DNAH9: variants seen among roughly 807,000 people sequenced by gnomAD.
DNAH9 encodes dynein axonemal heavy chain 9, also known as DNAH9 variant protein.
A neutral mutation model predicts 471.6 loss-of-function variants in DNAH9; 345 were observed. The ratio of observed to expected loss-of-function variants is 0.73; its 90% CI spans 0.67 to 0.80. The LOEUF (loss-of-function observed/expected upper bound fraction) is 0.80, where lower values mean the gene tolerates loss of function less well. Ranked by LOEUF, DNAH9 falls within the 30% of genes least tolerant of loss-of-function variation. DNAH9 has a pLI of 0.00. For synonymous variants in DNAH9, 2,093 were observed against 2,123.6 expected (o/e 0.99, Z 0.40); for missense variants, 5,407 against 5,609.2 (o/e 0.96, Z 1.15).
In DNAH9 at chr17:11,694,861, C is replaced by T. The variant is rs1186748624; in HGVS notation, c.4872+414C>T. 4.5e-3 allele frequency among the ~76,000 whole-genome samples: 2 copies of T among 440 alleles called. 1 individual carries two copies. Among genetic ancestry groups the T allele is most frequent in the African/African-American group, 7.1e-3 (2 of 282 alleles). 0.3% of individuals were successfully genotyped at this position (440 alleles called of 152,430 possible). Reference sequence around the variant, plus strand: ...CTTTCCTTCCTTCCTTCCTTCCTTCCTTCCTTCCTTCTTTCTTTCTTTCTT... The same window carrying T: ...CTTTCCTTCCTTCCTTCCTTCCTTCTTTCCTTCCTTCTTTCTTTCTTTCTT... On this transcript the variant is annotated intron_variant, in intron 22 of 68. Transcript: ENST00000262442.
intron 29 of DNAH9, among the ~76,000 whole-genome samples, 183 bp from the exon 30 acceptor site, chr17:11,741,992 A>G (rs2075439417): frequency 6.6e-6 from 1 of 152,204 alleles, no homozygotes; most frequent in African/African-American, 2.4e-5. Context: ...CTTCATGCTA[A>G]CTGCAGCAGC....
chr17:11,658,628 G>C (rs1239020700), intron 14 of DNAH9, among the ~76,000 whole-genome samples: 1 of 151,962 alleles, frequency 6.6e-6, no homozygotes, highest in Non-Finnish European at 1.5e-5. Flanking sequence ...ATTTTTAGCT[G>C]TAGGGTTTCA....
intron 49 of DNAH9, among the ~76,000 whole-genome samples, chr17:11,836,801 T>C (rs1970862650): frequency 6.6e-6 from 1 of 152,246 alleles, no homozygotes; most frequent in African/African-American, 2.4e-5. Flanking sequence ...CTTCATGTCT[T>C]GTTCACTGAT....
At chr17:11,757,748 G>T in intron 35 of DNAH9, 56 bp downstream of exon 35, 1 of 1,569,094 alleles carries the variant, frequency 6.4e-7, no homozygotes, top group Non-Finnish European at 8.7e-7. Flanking sequence ...AAGCCCATGG[G>T]TTCACACCTA....
chr17:11,760,123 C>T (rs1967601870), intron 35 of DNAH9, among the ~76,000 whole-genome samples: 1 of 152,228 alleles, frequency 6.6e-6, no homozygotes, highest in African/African-American at 2.4e-5. Context: ...TGCCCGCCTA[C>T]ACCACCTTTT....
At chr17:11,770,886 T>C (rs1486003376) in intron 38 of DNAH9, among the ~76,000 whole-genome samples, 1 of 152,188 alleles carries the variant, frequency 6.6e-6, no homozygotes, top group Non-Finnish European at 1.5e-5. Flanking sequence ...CCAATTTCCA[T>C]GGTGTAAATA....
chr17:11,797,093 C>A (rs1655590452), intron 42 of DNAH9, among the ~76,000 whole-genome samples: 1 of 152,150 alleles, frequency 6.6e-6, no homozygotes, highest in Admixed American at 6.5e-5. Flanking sequence ...TCTTCAGAAA[C>A]CAAGCCCTCT....
rs906088072 is a variant in DNAH9 at position 11,719,326 on chromosome 17, T to C, written c.5553-8T>C. The C allele has an allele frequency of 3.7e-6, 6 of 1,613,284 alleles. No homozygotes were observed. The African/African-American group carries it at 6.7e-5, about 18-fold the overall frequency. On this transcript the variant is annotated splice_polypyrimidine_tract_variant and splice_region_variant and intron_variant, in intron 26 of 68. Transcript: ENST00000262442. ...GAATGATGACCTATGCCCTCCCGTG[T>C]TTGGCAGGTGCTACATCACCCTCAC...
At chr17:11,603,117 C>T (rs1258354809) in intron 1 of DNAH9, among the ~76,000 whole-genome samples, 1 of 152,212 alleles carries the variant, frequency 6.6e-6, no homozygotes, top group African/African-American at 2.4e-5. Flanking sequence ...CTACATACTT[C>T]ATACCTGCAC....
chr17:11,886,310 C>T (rs1033509833), intron 56 of DNAH9, among the ~76,000 whole-genome samples: 3 of 151,848 alleles, frequency 2.0e-5, no homozygotes, highest in African/African-American at 2.4e-5. Context: ...GGGACAAGAG[C>T]GAGACTTTGT....
intron 1 of DNAH9, among the ~76,000 whole-genome samples, chr17:11,605,758 G>A (rs2072491404): frequency 6.6e-6 from 1 of 150,726 alleles, no homozygotes; most frequent in African/African-American, 2.5e-5. Context: ...GCCCTCCTCA[G>A]CCTCTCAGTG....
intron 1 of DNAH9, among the ~76,000 whole-genome samples, chr17:11,604,719 T>C (rs2150629286): frequency 6.6e-6 from 1 of 152,228 alleles, no homozygotes; most frequent in East Asian, 1.9e-4. Flanking sequence ...TTGCGACTCC[T>C]AAAGCAATTT....
At chr17:11,807,140 T>C (rs1347714220) in intron 43 of DNAH9, among the ~76,000 whole-genome samples, 1 of 152,042 alleles carries the variant, frequency 6.6e-6, no homozygotes, top group African/African-American at 2.4e-5. Context: ...CTATTGATAA[T>C]AAGAACCCAC....
intron 1 of DNAH9, among the ~76,000 whole-genome samples, chr17:11,600,004 T>G (rs559578592): frequency 1.3e-5 from 2 of 152,282 alleles, no homozygotes; most frequent in African/African-American, 2.4e-5. Flanking sequence ...CTCCCTGCTA[T>G]GTCAAGTGTA....
chr17:11,722,483 GA>G (rs1311516463), intron 27 of DNAH9, among the ~76,000 whole-genome samples: 2 of 152,196 alleles, frequency 1.3e-5, no homozygotes, highest in Non-Finnish European at 2.9e-5. Context: ...AGTAGACATG[GA>G]AAAGCATAAG....
At chr17:11,704,961 C>A in intron 25 of DNAH9, 64 bp from the exon 26 acceptor site, 1 of 1,415,832 alleles carries the variant, frequency 7.1e-7, no homozygotes, top group Non-Finnish European at 9.9e-7. Flanking sequence ...CCCTATGTGT[C>A]TTGTGGCCAA....
At chr17:11,790,622 A>G (rs1021648725) in intron 41 of DNAH9, among the ~76,000 whole-genome samples, 2 of 151,990 alleles carry the variant, frequency 1.3e-5, no homozygotes, top group African/African-American at 4.8e-5. Flanking sequence ...ACCTGACAAC[A>G]TTGCCTTTTA....
At chr17:11,774,756 C>T (rs917667661) in intron 38 of DNAH9, among the ~76,000 whole-genome samples, 1 of 152,092 alleles carries the variant, frequency 6.6e-6, no homozygotes, top group Non-Finnish European at 1.5e-5. Flanking sequence ...CATATATTTT[C>T]GCTGCTGCAT....
chr17:11,668,675 A>AAC (rs1555561390), intron 15 of DNAH9, among the ~76,000 whole-genome samples: 1 of 146,732 alleles, frequency 6.8e-6, no homozygotes, highest in African/African-American at 2.6e-5. Context: ...AAAAAAAAAA[A>AAC]AAAAAAAAAA....
Sources: gnomAD v4.1 joint callset for allele counts (sites outside exome capture counted in the v4.1 genomes callset) on GRCh38, gnomAD v4.1.1 for gene constraint, MANE v1.5 for transcripts, NCBI Gene and HGNC (gene_info 2026-07-23, HGNC 2026-07-21) for gene names.